PRIM2: variants seen among roughly 807,000 people sequenced by gnomAD.
PRIM2 encodes DNA primase large subunit.
In PRIM2, 39 loss-of-function variants were observed where a neutral mutation model predicts 67.3. The ratio of observed to expected loss-of-function variants is 0.58; its 90% CI spans 0.45 to 0.76. The LOEUF is 0.76. PRIM2 is among the 30% of genes least tolerant of loss of function. The pLI is 0.00. For synonymous variants in PRIM2, 143 were observed against 198.7 expected, an observed-to-expected ratio of 0.72 and a Z score of 2.36; for missense variants, 398 against 598.7, an observed-to-expected ratio of 0.66 and a Z score of 3.50.
intron 7 of PRIM2, among the ~76,000 whole-genome samples, chr6:57,397,995 CT>C (rs35808777): frequency 7.2e-6 from 1 of 138,844 alleles, no homozygotes; most frequent in Non-Finnish European, 1.5e-5. Context: ...GAGTCTTGCT[CT>C]TGTTCCAGGC....
the PRIM2 span, among the ~76,000 whole-genome samples, chr6:57,263,621 T>A: frequency 6.6e-6 from 1 of 152,196 alleles, no homozygotes; most frequent in Non-Finnish European, 1.5e-5. Context: ...TGAAGTCACA[T>A]TCTGGGATCC....
chr6:57,499,283 T>A (rs1179884086), intron 7 of PRIM2, among the ~76,000 whole-genome samples: 31 of 152,300 alleles, frequency 2.0e-4, no homozygotes, highest in Non-Finnish European at 3.7e-4. Context: ...AGAGCAGACA[T>A]TTCAATATGT....
intron 10 of PRIM2, among the ~76,000 whole-genome samples, chr6:57,563,910 C>G (rs1308837323): frequency 5.3e-5 from 8 of 152,228 alleles, no homozygotes; most frequent in Non-Finnish European, 1.0e-4. Context: ...CCACCCTCCT[C>G]AGCCTCCCAA....
chr6:57,366,253 A>G (rs999362861), intron 5 of PRIM2, among the ~76,000 whole-genome samples: 3 of 152,220 alleles, frequency 2.0e-5, no homozygotes, highest in Admixed American at 2.0e-4. Flanking sequence ...GTAAAGTCAT[A>G]GAAGTGAAAG....
chr6:57,433,649 A>G (rs1002084324), intron 7 of PRIM2, among the ~76,000 whole-genome samples: 7 of 152,160 alleles, frequency 4.6e-5, no homozygotes, highest in Non-Finnish European at 8.8e-5. Context: ...AGAAGTTTCA[A>G]TGGTTGAATA....
chr6:57,236,015 T>C, the PRIM2 span, among the ~76,000 whole-genome samples: 1 of 152,232 alleles, frequency 6.6e-6, no homozygotes, highest in Non-Finnish European at 1.5e-5. Flanking sequence ...GATTTTGGAC[T>C]TCTGACCTCT....
intron 12 of PRIM2, among the ~76,000 whole-genome samples, chr6:57,617,974 A>C (rs1776784413): frequency 1.3e-5 from 2 of 152,342 alleles, no homozygotes; most frequent in African/African-American, 4.8e-5. Flanking sequence ...CCAGTTTTCT[A>C]ACACTATTTC....
chr6:57,620,058 T>A (rs1776824176), intron 12 of PRIM2, among the ~76,000 whole-genome samples: 3 of 152,016 alleles, frequency 2.0e-5, no homozygotes, highest in Non-Finnish European at 4.4e-5. Flanking sequence ...TAGCTGGGCG[T>A]GGTGACACAC....
At chr6:57,471,199 G>C (rs1487271441) in intron 7 of PRIM2, among the ~76,000 whole-genome samples, 1 of 151,958 alleles carries the variant, frequency 6.6e-6, no homozygotes, top group Non-Finnish European at 1.5e-5. Context: ...TGTGAGCTGT[G>C]GTATGGGCAT....
intron 8 of PRIM2, among the ~76,000 whole-genome samples, chr6:57,524,242 A>G (rs1774693531): frequency 6.6e-6 from 1 of 152,226 alleles, no homozygotes; most frequent in Non-Finnish European, 1.5e-5. Context: ...AAATTCTGTT[A>G]GCTTTATAAT....
chr6:57,602,443 C>T (rs1308564817), intron 11 of PRIM2, among the ~76,000 whole-genome samples: 1 of 152,144 alleles, frequency 6.6e-6, no homozygotes, highest in Admixed American at 6.5e-5. Context: ...CACCCTCAGT[C>T]ATATAAAATC....
intron 10 of PRIM2, among the ~76,000 whole-genome samples, chr6:57,582,809 TA>T (rs1219019334): frequency 2.0e-5 from 3 of 150,806 alleles, no homozygotes; most frequent in Admixed American, 6.6e-5. Flanking sequence ...TATTATACTT[TA>T]AGTTTTAGGG....
intron 5 of PRIM2, among the ~76,000 whole-genome samples, chr6:57,330,442 C>T (rs1768021814): frequency 6.7e-6 from 1 of 148,970 alleles, no homozygotes; most frequent in Admixed American, 6.7e-5. Context: ...GCAAGCTCCA[C>T]CTCCTGGATT....
the PRIM2 span, among the ~76,000 whole-genome samples, chr6:57,267,294 A>G: frequency 2.0e-5 from 3 of 152,058 alleles, no homozygotes; most frequent in African/African-American, 7.3e-5. Context: ...ATGGGACAAG[A>G]ATTTGGGTGA....
At chr6:57,349,683 T>G (rs1581816867) in intron 5 of PRIM2, among the ~76,000 whole-genome samples, 1 of 152,196 alleles carries the variant, frequency 6.6e-6, no homozygotes, top group African/African-American at 2.4e-5. Context: ...GCGTGTAGTA[T>G]TATTAGCCCT....
chr6:57,600,807 T>C (rs1776449864), intron 10 of PRIM2, among the ~76,000 whole-genome samples: 1 of 152,370 alleles, frequency 6.6e-6, no homozygotes, highest in South Asian at 2.1e-4. Flanking sequence ...TCCATTATTC[T>C]TCTCAGGAAA....
At chr6:57,240,091 GTTTTTT>G in the PRIM2 span, among the ~76,000 whole-genome samples, 3,339 of 89,830 alleles carry the variant, frequency 0.037, 27 homozygotes, top group Non-Finnish European at 0.055. Context: ...TCAATAATCT[GTTTTTT>G]TTTTTTTTTT....
At chr6:57,231,408 A>G in the PRIM2 span, among the ~76,000 whole-genome samples, 1 of 152,198 alleles carries the variant, frequency 6.6e-6, no homozygotes, top group African/African-American at 2.4e-5. Flanking sequence ...AATGATGCAA[A>G]AACAAATTAC....
chr6:57,288,987 C>T, the PRIM2 span, among the ~76,000 whole-genome samples: 1 of 152,008 alleles, frequency 6.6e-6, no homozygotes, highest in East Asian at 1.9e-4. Context: ...TTCAGAAGGT[C>T]GGTAATAACA....
Sources: allele counts gnomAD v4.1 joint callset (sites outside exome capture counted in the v4.1 genomes callset), GRCh38; gene constraint gnomAD v4.1.1; transcripts MANE v1.5; gene names NCBI Gene and HGNC (gene_info 2026-07-23, HGNC 2026-07-21).